The following ABLIM2 variants were observed in gnomAD, a reference collection of about 807,000 sequenced individuals.
ABLIM2 encodes the protein actin binding LIM protein family member 2.
ABLIM2 carries 53 observed loss-of-function variants against 97.7 expected under a neutral mutation model. The observed-to-expected ratio is 0.54, with a 90% confidence interval of 0.44 to 0.68. ABLIM2 has a LOEUF of 0.68. Ranked by LOEUF, ABLIM2 falls within the 30% of genes least tolerant of loss-of-function variation. ABLIM2 has a pLI of 0.00. For synonymous variants in ABLIM2, 361 were observed against 345.8 expected (o/e 1.04, Z -0.49); for missense variants, 835 against 867.2 (o/e 0.96, Z 0.47).
intron 1 of ABLIM2, among the ~76,000 whole-genome samples, chr4:8,138,066 G>A (rs1578469644): frequency 6.6e-6 from 1 of 152,362 alleles, no homozygotes; most frequent in South Asian, 2.1e-4. Context: ...CCCAGTCACA[G>A]AGGGCAAATA....
At chr4:8,028,145 T>A (rs1364455938) in intron 11 of ABLIM2, among the ~76,000 whole-genome samples, 1 of 152,156 alleles carries the variant, frequency 6.6e-6, no homozygotes, top group East Asian at 1.9e-4. Flanking sequence ...TCGCTTAGCA[T>A]TTGGGGTCTC....
intron 1 of ABLIM2, among the ~76,000 whole-genome samples, chr4:8,133,431 C>T (rs534603645): frequency 7.2e-5 from 11 of 152,338 alleles, no homozygotes; most frequent in African/African-American, 2.6e-4. Context: ...CTGCTCCCTC[C>T]TGCCTGCCGG....
intron 1 of ABLIM2, among the ~76,000 whole-genome samples, chr4:8,133,023 C>A (rs1849646516): frequency 6.6e-6 from 1 of 152,170 alleles, no homozygotes. Flanking sequence ...GTTGTGAGGA[C>A]AACGCAGGCT....
chr4:8,117,482 A>G (rs1029696263), intron 1 of ABLIM2, among the ~76,000 whole-genome samples: 6 of 146,358 alleles, frequency 4.1e-5, no homozygotes, highest in Non-Finnish European at 6.0e-5. Context: ...ACGCACTAAG[A>G]CTCCACCCAC....
At chr4:8,121,574 C>T (rs527458894) in intron 1 of ABLIM2, among the ~76,000 whole-genome samples, 18 of 152,302 alleles carry the variant, frequency 1.2e-4, no homozygotes, top group African/African-American at 3.6e-4. Context: ...GCCCAGGTCA[C>T]GCAGCAAGTC....
intron 12 of ABLIM2, chr4:8,020,607 G>A (rs992488852): frequency 1.6e-5 from 7 of 445,282 alleles, no homozygotes; most frequent in Admixed American, 7.8e-5. Context: ...CTCCATCTGC[G>A]CCTCTGCATC....
Position 8,083,676 on chromosome 4 carries a change from T to A in ABLIM2, c.455-2874A>T, listed in dbSNP as rs796873505. Among the ~76,000 whole-genome samples, 21 of 152,340 alleles carry A rather than the reference T, an allele frequency of 1.4e-4. No homozygotes were observed. The highest frequency in any genetic ancestry group is 5.0e-4 in the African/African-American group (21 of 41,590). The stretch of plus-strand genomic sequence containing the variant: ...CGGAGCTCCACATTGCTTTGCGGGC[T>A]CTGCGCATGGCAGCTCAGAGTCCTG... On this transcript the variant is annotated intron_variant, in intron 4 of 20. Coordinates refer to ENST00000447017, the MANE Select transcript of ABLIM2 (RefSeq NM_001130083.2). The surrounding 1 kb of genome is among the most constrained non-coding windows in gnomAD (Gnocchi z 4.6).
chr4:7,969,933 A>G (rs1337835616), intron 20 of ABLIM2, among the ~76,000 whole-genome samples: 1 of 152,114 alleles, frequency 6.6e-6, no homozygotes, highest in African/African-American at 2.4e-5. Flanking sequence ...GTCCACAGAA[A>G]CTTAGAATTG....
In ABLIM2 at chr4:8,071,875, G is replaced by A; in HGVS notation, c.675+5753C>T. On this transcript the variant is annotated intron_variant, in intron 6 of 20. Coordinates refer to ENST00000447017, the MANE Select transcript of ABLIM2 (RefSeq NM_001130083.2). The surrounding 1 kb of genome is among the most constrained non-coding windows in gnomAD (Gnocchi z 6.2). ...TGGACACCCTCACCTTCAGCCAACA[G>A]TCTGTCACCTGCTCCTGCTGCGCCC... 1.0e-6 allele frequency: 1 copy of A among 985,476 alleles called. No homozygotes were observed. The highest frequency in any genetic ancestry group is 1.2e-6 in the Non-Finnish European group (1 of 829,972). The allele number at this position is 985,476 out of a possible 1,614,324, so 61.0% of individuals were successfully genotyped here.
In ABLIM2 at chr4:8,128,255, T is replaced by A. The variant is rs1257674285; in HGVS notation, c.11-21618A>T. ...TCACTGCATTTGGGGTCCGCCCTCATCCACAATGACCTCATCTCCATCTTT... is the reference window on the plus strand; with the variant it reads ...TCACTGCATTTGGGGTCCGCCCTCAACCACAATGACCTCATCTCCATCTTT... On this transcript the variant is annotated intron_variant, in intron 1 of 20. Coordinates refer to ENST00000447017, the MANE Select transcript of ABLIM2 (RefSeq NM_001130083.2). This position sits in a 1 kb window ranked among gnomAD's most constrained non-coding sequence, Gnocchi z 4.9. 6.6e-6 allele frequency among the ~76,000 whole-genome samples: 1 copy of A among 152,166 alleles called. No homozygotes were observed. Among genetic ancestry groups the A allele is most frequent in the African/African-American group, 2.4e-5 (1 of 41,434 alleles).
rs1158304537 is a variant in ABLIM2, at chr4:8,032,688, C to T, written c.1048-2912G>A. On this transcript the variant is annotated intron_variant, in intron 10 of 20. Transcript: ENST00000447017. The surrounding 1 kb of genome is among the most constrained non-coding windows in gnomAD (Gnocchi z 4.3). ...CGAGAGCAACTGAGGGGACTGTGGA[C>T]ACAACACACAAAGTGGCCATTAGTG... 1 of 1,612,346 alleles carries T rather than the reference C, an allele frequency of 6.2e-7. No individual in the cohort carries two copies. The highest frequency in any genetic ancestry group is 8.5e-7 in the Non-Finnish European group (1 of 1,179,810).
In ABLIM2 at chr4:7,998,708, C is replaced by A; in HGVS notation, c.1619-5781G>T. 1 of 498,384 alleles carries A rather than the reference C, an allele frequency of 2.0e-6. No individual in the cohort carries two copies. The allele number at this position is 498,384 out of a possible 1,614,324, so 30.9% of individuals were successfully genotyped here. On this transcript the variant is annotated intron_variant, in intron 16 of 20. Coordinates refer to ENST00000447017, the MANE Select transcript of ABLIM2 (RefSeq NM_001130083.2). The surrounding 1 kb of genome is among the most constrained non-coding windows in gnomAD (Gnocchi z 6.4). Reference sequence around the variant, plus strand: ...GGGAGTCTGCAGGTCTGGGCCACCTCCTGCCACTGCATGGGAGGCTGGGAG... The same window carrying A: ...GGGAGTCTGCAGGTCTGGGCCACCTACTGCCACTGCATGGGAGGCTGGGAG...
chr4:8,115,863 C>T (rs1250735885), intron 1 of ABLIM2, among the ~76,000 whole-genome samples: 2 of 152,206 alleles, frequency 1.3e-5, no homozygotes, highest in Non-Finnish European at 2.9e-5. Flanking sequence ...CCAGCTTCTG[C>T]CTTGCTTTCT....
rs947958435 is a variant in ABLIM2 at position 8,003,048 on chromosome 4, TTGTC to T, written c.1618+5007_1618+5010del. ...ATGTCGGCTCCCCAGACAGGGAACT[TTGTC>T]TGTTTTGGCCTCTGCTCTGTCCCCA... On this transcript the variant is annotated intron_variant, in intron 16 of 20. Coordinates refer to ENST00000447017, the MANE Select transcript of ABLIM2 (RefSeq NM_001130083.2). This position sits in a 1 kb window ranked among gnomAD's most constrained non-coding sequence, Gnocchi z 4.2. Among the ~76,000 whole-genome samples, 2 of 152,176 alleles carry T rather than the reference TTGTC, an allele frequency of 1.3e-5. No homozygotes were observed. Among genetic ancestry groups the T allele is most frequent in the African/African-American group, 2.4e-5 (1 of 41,440 alleles).
At chr4:8,017,576 C>G (rs1282516640) in intron 14 of ABLIM2, among the ~76,000 whole-genome samples, 1 of 152,106 alleles carries the variant, frequency 6.6e-6, no homozygotes, top group East Asian at 1.9e-4. Flanking sequence ...GTGTGAGCCA[C>G]CACACCCGGC....
At position 8,072,096 on chromosome 4, in the gene ABLIM2, C is replaced by T. The variant is rs1369190232; in HGVS notation, c.675+5532G>A. On this transcript the variant is annotated intron_variant, in intron 6 of 20. Transcript: ENST00000447017. This position sits in a 1 kb window ranked among gnomAD's most constrained non-coding sequence, Gnocchi z 5.8. ...CCACGCCGCCACAGACTCGCCTCCC[C>T]GGCAGAGGCGAAAACAAAAGCATTA... 38 of 981,236 alleles carry T rather than the reference C, an allele frequency of 3.9e-5. No individual in the cohort carries two copies. Among genetic ancestry groups the T allele is most frequent in the East Asian group, 1.1e-4 (1 of 8,786 alleles). The allele number at this position is 981,236 out of a possible 1,614,324, so 60.8% of individuals were successfully genotyped here.
In ABLIM2 at chr4:8,032,631, G is replaced by A. The variant is rs756357730; in HGVS notation, c.1048-2855C>T. The A allele has an allele frequency of 1.2e-5, 20 of 1,612,396 alleles. No individual in the cohort carries two copies. The Admixed American group carries it at 2.5e-4, about 20-fold the overall frequency. ...AGCGCCACGGCAAGCGGGGACAGGC[G>A]AGAGGGTGGTGGTTACCTCGGTCGG... On this transcript the variant is annotated intron_variant, in intron 10 of 20. Transcript: ENST00000447017. The surrounding 1 kb of genome is among the most constrained non-coding windows in gnomAD (Gnocchi z 4.3).
At chr4:8,063,832 C>T (rs993529302) in intron 6 of ABLIM2, among the ~76,000 whole-genome samples, 18 of 152,234 alleles carry the variant, frequency 1.2e-4, no homozygotes, top group African/African-American at 4.3e-4. Context: ...CCCCCCTTGC[C>T]TTTGCTGTGC....
intron 2 of ABLIM2, among the ~76,000 whole-genome samples, chr4:8,102,190 G>A (rs1344848825): frequency 6.6e-6 from 1 of 152,168 alleles, no homozygotes; most frequent in Non-Finnish European, 1.5e-5. Context: ...CAGCCACATG[G>A]GCCTCCTGCT....
Sources: gnomAD v4.1 joint callset for allele counts (sites outside exome capture counted in the v4.1 genomes callset) on GRCh38, gnomAD v4.1.1 for gene constraint, Gnocchi (gnomAD v3.1) non-coding constraint, MANE v1.5 for transcripts, NCBI Gene and HGNC (gene_info 2026-07-23, HGNC 2026-07-21) for gene names.